POLN: variants seen among roughly 807,000 people sequenced by gnomAD.
The protein encoded by POLN is DNA polymerase nu.
A neutral mutation model predicts 113.5 loss-of-function variants in POLN; 108 were observed. That is an observed-to-expected ratio of 0.95 (90% CI 0.81 to 1.12). The LOEUF is 1.12. Among genes scored for constraint, POLN ranks in the 50% most tolerant of loss-of-function variants. The pLI is 0.00. For missense variants in POLN, 1,097 were observed against 1,077.1 expected (o/e 1.02, Z -0.26); for synonymous variants, 386 against 391.5 (o/e 0.99, Z 0.17).
At chr4:2,210,697 T>G (rs1425149195) in intron 4 of POLN, among the ~76,000 whole-genome samples, 1 of 147,600 alleles carries the variant, frequency 6.8e-6, no homozygotes. Flanking sequence ...CCCGGGCAGA[T>G]GGATCACGAG....
At chr4:2,165,747 C>T (rs1732713421) in intron 13 of POLN, among the ~76,000 whole-genome samples, 1 of 152,074 alleles carries the variant, frequency 6.6e-6, no homozygotes, top group Non-Finnish European at 1.5e-5. Context: ...GTACTTTCTG[C>T]TCAATTTTAC....
chr4:2,161,913 G>C (rs2108742735), intron 13 of POLN, among the ~76,000 whole-genome samples: 1 of 152,282 alleles, frequency 6.6e-6, no homozygotes, highest in South Asian at 2.1e-4. Flanking sequence ...GGGACTTGGA[G>C]AACCTTTGTG....
intron 16 of POLN, among the ~76,000 whole-genome samples, chr4:2,147,425 G>A (rs2108734784): frequency 6.6e-6 from 1 of 152,148 alleles, no homozygotes; most frequent in East Asian, 1.9e-4. Flanking sequence ...TTGACAAGAT[G>A]ATCCCTAAAG....
At chr4:2,215,027 C>G (rs1328297353) in intron 3 of POLN, among the ~76,000 whole-genome samples, 1 of 151,878 alleles carries the variant, frequency 6.6e-6, no homozygotes, top group African/African-American at 2.4e-5. Context: ...AATCTCTAAC[C>G]AAATAATCTC....
At chr4:2,220,346 A>G (rs909416874) in intron 3 of POLN, among the ~76,000 whole-genome samples, 1 of 152,124 alleles carries the variant, frequency 6.6e-6, no homozygotes, top group Non-Finnish European at 1.5e-5. Context: ...TTCTGCAGAC[A>G]TTCTAGCCAG....
intron 8 of POLN, among the ~76,000 whole-genome samples, chr4:2,177,859 C>CT (rs1460724474): frequency 1.3e-5 from 2 of 152,214 alleles, no homozygotes; most frequent in Admixed American, 6.5e-5. Flanking sequence ...AGTGCTGAAA[C>CT]TTTGACTTTT....
Position 2,179,479 on chromosome 4 carries a change from G to A in POLN, c.1022-14C>T. The A allele has an allele frequency of 6.2e-7, 1 of 1,610,508 alleles. No homozygotes were observed. Among genetic ancestry groups the A allele is most frequent in the Non-Finnish European group, 8.5e-7 (1 of 1,178,702 alleles). On this transcript the variant is annotated splice_polypyrimidine_tract_variant and intron_variant, in intron 7 of 25. Transcript: ENST00000511885. ...TAAAATCAGCAACTGAAGAGAAAAA[G>A]GTCATTCAGTCATCCCAAGAAAAAC...
chr4:2,214,231 G>C (rs561333805), intron 3 of POLN, among the ~76,000 whole-genome samples: 1 of 151,562 alleles, frequency 6.6e-6, no homozygotes, highest in African/African-American at 2.4e-5. Context: ...GCAAGACTCT[G>C]TCCTGGGAAA....
intron 6 of POLN, among the ~76,000 whole-genome samples, chr4:2,196,844 A>C (rs1403113426): frequency 6.6e-6 from 1 of 152,184 alleles, no homozygotes; most frequent in East Asian, 1.9e-4. Context: ...GTTTGTTCAG[A>C]GAAAAACATA....
intron 11 of POLN, 88 bp from the exon 12 acceptor site, chr4:2,171,269 C>T (rs1362337024): frequency 2.3e-5 from 29 of 1,244,338 alleles, no homozygotes; most frequent in Admixed American, 5.9e-5. Context: ...TTCTCAACAG[C>T]GAGATGGGCA....
chr4:2,182,523 C>T (rs901583444), intron 7 of POLN, among the ~76,000 whole-genome samples: 1 of 152,256 alleles, frequency 6.6e-6, no homozygotes, highest in South Asian at 2.1e-4. Context: ...CCAGAAGGAA[C>T]TGCCAACACC....
At chr4:2,140,634 G>A (rs919537182) in intron 16 of POLN, among the ~76,000 whole-genome samples, 1 of 152,006 alleles carries the variant, frequency 6.6e-6, no homozygotes, top group Non-Finnish European at 1.5e-5. Context: ...TGTAATCCCA[G>A]CTACTCAGGA....
At chr4:2,092,751 C>T (rs542653192) in intron 20 of POLN, among the ~76,000 whole-genome samples, 1 of 152,360 alleles carries the variant, frequency 6.6e-6, no homozygotes, top group African/African-American at 2.4e-5. Flanking sequence ...TGTGAAAACA[C>T]GTCACTACAA....
chr4:2,190,163 C>T (rs747006287), intron 7 of POLN, among the ~76,000 whole-genome samples: 9 of 151,948 alleles, frequency 5.9e-5, no homozygotes, highest in Non-Finnish European at 1.0e-4. Context: ...TCAAATTATA[C>T]TACAAAGCTA....
chr4:2,084,111 C>T (rs1577681451), intron 21 of POLN, among the ~76,000 whole-genome samples: 1 of 152,232 alleles, frequency 6.6e-6, no homozygotes, highest in South Asian at 2.1e-4. Flanking sequence ...TCTCTCTCCA[C>T]CCCTCCTCAG....
Position 2,096,879 on chromosome 4 carries a change from C to T in POLN, c.1983-946G>A, listed in dbSNP as rs780639069. Among the ~76,000 whole-genome samples, 5 of 152,166 alleles carry T rather than the reference C, an allele frequency of 3.3e-5. 1 individual carries two copies. The South Asian group carries it at 1.0e-3, about 32-fold the overall frequency. On this transcript the variant is annotated intron_variant, in intron 19 of 25. Transcript: ENST00000511885. ...TCCTACTTGCACTGAGCATAGAGAC[C>T]AGCCCCAGGTGAAAGCTCAGGTCTT... is the stretch of plus-strand genomic sequence containing the variant.
At chr4:2,098,144 TGGC>T (rs1171511464) in intron 19 of POLN, among the ~76,000 whole-genome samples, 1 of 152,252 alleles carries the variant, frequency 6.6e-6, no homozygotes, top group Non-Finnish European at 1.5e-5. Context: ...CTGGGTGCAG[TGGC>T]TCATGCCTGT....
At chr4:2,073,338 C>A (rs561080962) in intron 24 of POLN, among the ~76,000 whole-genome samples, 230 of 152,322 alleles carry the variant, frequency 1.5e-3, no homozygotes, top group African/African-American at 5.1e-3. Flanking sequence ...CTGGCCCTCA[C>A]CCCTACCCCT....
intron 5 of POLN, among the ~76,000 whole-genome samples, chr4:2,204,109 CAAAAAAAAAA>C (rs566255148): frequency 0.067 from 3,581 of 53,464 alleles, 75 homozygotes; most frequent in Non-Finnish European, 0.098. Context: ...AACTCTATCA[CAAAAAAAAAA>C]AAAAAAAAAA....
Sources: gnomAD v4.1 joint callset for allele counts (sites outside exome capture counted in the v4.1 genomes callset) on GRCh38, gnomAD v4.1.1 for gene constraint, MANE v1.5 for transcripts, NCBI Gene and HGNC (gene_info 2026-07-23, HGNC 2026-07-21) for gene names.